Variants in CRACD observed in about 807,000 individuals in gnomAD.
CRACD encodes the protein capping protein inhibiting regulator of actin dynamics.
CRACD carries 56 observed loss-of-function variants against 106.8 expected under a neutral mutation model. The observed-to-expected ratio is 0.52, with a 90% confidence interval of 0.42 to 0.66. The LOEUF (loss-of-function observed/expected upper bound fraction) is 0.66. Ranked by LOEUF, CRACD falls within the 30% of genes least tolerant of loss-of-function variation. The probability of loss-of-function intolerance (pLI) is 0.00; values close to 1 mark genes in which losing one functional copy is unlikely to be tolerated. For synonymous variants in CRACD, 754 were observed against 670.8 expected (o/e 1.12, Z -1.92); for missense variants, 1,730 against 1,623.2 (o/e 1.07, Z -1.13).
chr4:56,247,789 C>T (rs748080391), intron 2 of CRACD, among the ~76,000 whole-genome samples: 6 of 151,194 alleles, frequency 4.0e-5, no homozygotes, highest in Non-Finnish European at 8.8e-5. Flanking sequence ...GACGTTGCAG[C>T]GAGCCAGGAT....
At chr4:56,301,311 A>AACTC (rs1445374005) in intron 4 of CRACD, 17 of 1,111,306 alleles carry the variant, frequency 1.5e-5, no homozygotes, top group Non-Finnish European at 1.9e-5. Flanking sequence ...TTTCCATGAC[A>AACTC]ACGTGATGCT....
At chr4:56,105,659 A>G (rs1733926840) in intron 1 of CRACD, among the ~76,000 whole-genome samples, 1 of 152,182 alleles carries the variant, frequency 6.6e-6, no homozygotes, top group African/African-American at 2.4e-5. Flanking sequence ...TTATTATCTG[A>G]TGCCTTTCAA....
chr4:56,308,666 G>C, intron 5 of CRACD: 1 of 712,800 alleles, frequency 1.4e-6, no homozygotes, highest in Non-Finnish European at 1.7e-6. Flanking sequence ...TGTGAAAAAG[G>C]ACATTCCTCC....
intron 1 of CRACD, among the ~76,000 whole-genome samples, chr4:56,075,233 A>G (rs1444749896): frequency 6.6e-6 from 1 of 151,822 alleles, no homozygotes; most frequent in Non-Finnish European, 1.5e-5. Flanking sequence ...CTCTTTTTCT[A>G]TTGTTTGGAA....
chr4:56,107,139 A>G (rs1733972656), intron 1 of CRACD, among the ~76,000 whole-genome samples: 1 of 150,428 alleles, frequency 6.6e-6, no homozygotes, highest in Admixed American at 6.7e-5. Flanking sequence ...CATTCAGCTA[A>G]TCTAAAAACA....
chr4:56,062,320 TAAG>T lies in CRACD; in HGVS notation c.-336+13027_-336+13029del, dbSNP rs1331654178. On this transcript the variant is annotated intron_variant, in intron 1 of 10. Coordinates refer to ENST00000682029, the MANE Select transcript of CRACD (RefSeq NM_001393381.1). The stretch of plus-strand genomic sequence containing the variant: ...CATAACAGTGTCATTATGATTTTTT[TAAG>T]AAGAATCACTAATTAGCCAGGTCTA... Among the ~76,000 whole-genome samples, 3 of 152,356 alleles carry T rather than the reference TAAG, an allele frequency of 2.0e-5. No individual in the cohort carries two copies. In the East Asian group the frequency reaches 5.8e-4, roughly 29 times the overall value.
chr4:56,213,194 C>T (rs1046157151), intron 2 of CRACD, among the ~76,000 whole-genome samples: 1 of 152,168 alleles, frequency 6.6e-6, no homozygotes, highest in Non-Finnish European at 1.5e-5. Context: ...CACCTATAAT[C>T]CCAGCACTTT....
chr4:56,285,820 T>G (rs1235016954), intron 3 of CRACD, among the ~76,000 whole-genome samples: 1 of 152,130 alleles, frequency 6.6e-6, no homozygotes, highest in Admixed American at 6.5e-5. Context: ...TTATCCCCAT[T>G]TAACAGTTAA....
At position 56,193,724 on chromosome 4, in the gene CRACD, T is replaced by G. The variant is rs1737479202; in HGVS notation, c.-189+14294T>G. ...CACATAATCAATCTCAGAGACTCAC[T>G]TACAAATAGTCAAATTGGTGTATAC... On this transcript the variant is annotated intron_variant, in intron 2 of 10. Coordinates refer to ENST00000682029, the MANE Select transcript of CRACD (RefSeq NM_001393381.1). Among the ~76,000 whole-genome samples, 4 of 152,328 alleles carry G rather than the reference T, an allele frequency of 2.6e-5. No individual in the cohort carries two copies. In the South Asian group the frequency reaches 8.3e-4, roughly 32 times the overall value.
At chr4:56,301,078 G>T (rs1461902153) in intron 4 of CRACD, 1 of 422,480 alleles carries the variant, frequency 2.4e-6, no homozygotes, top group Non-Finnish European at 4.1e-6. Flanking sequence ...TTTCAGCTCT[G>T]TAGTTATACT....
At chr4:56,295,685 ATATATATATATATATATATATAT>A (rs1246727365) in intron 3 of CRACD, among the ~76,000 whole-genome samples, 4 of 76,488 alleles carry the variant, frequency 5.2e-5, no homozygotes, top group Non-Finnish European at 8.5e-5. Flanking sequence ...ATATATATAT[ATATATATATATATATATATATAT>A]ATATGCCCTT....
chr4:56,197,790 G>A (rs1737681883), intron 2 of CRACD, among the ~76,000 whole-genome samples: 1 of 151,822 alleles, frequency 6.6e-6, no homozygotes. Flanking sequence ...CCGTTCTCCT[G>A]CCTCAGCCAT....
chr4:56,064,686 C>T (rs1222861753), intron 1 of CRACD, among the ~76,000 whole-genome samples: 1 of 152,206 alleles, frequency 6.6e-6, no homozygotes, highest in African/African-American at 2.4e-5. Context: ...TAAAAAAATA[C>T]TCCTTGATCT....
rs755379760 is a variant in CRACD, at chr4:56,316,127, C to T, written c.2625C>T (p.Thr875=). ...EQKKKKRHSS[T]GDSADAGPPA... ...AGAAGAAGAAGAGGCACAGCAGCAC[C>T]GGAGACAGCGCGGATGCAGGGCCGC... Residue 875 remains threonine, a synonymous_variant, in exon 8 of 11, where the codon ACC becomes ACT. Transcript: ENST00000682029. 2.5e-6 allele frequency: 4 copies of T among 1,614,132 alleles called. No individual in the cohort carries two copies. The highest frequency in any genetic ancestry group is 2.2e-5 in the East Asian group (1 of 44,876).
Position 56,298,197 on chromosome 4 carries a change from C to T in CRACD, c.-16-17C>T, listed in dbSNP as rs368462281. ...AATTTTATCCTAATAAAATGAAGCA[C>T]ATGATTTACCTTCCAGGTCCTTCAA... On this transcript the variant is annotated splice_polypyrimidine_tract_variant and intron_variant, in intron 3 of 10. Coordinates refer to ENST00000682029, the MANE Select transcript of CRACD (RefSeq NM_001393381.1). 6.2e-7 allele frequency: 1 copy of T among 1,606,630 alleles called. No individual in the cohort carries two copies. The highest frequency in any genetic ancestry group is 8.5e-7 in the Non-Finnish European group (1 of 1,176,830).
At chr4:56,154,670 A>T (rs186519746) in intron 1 of CRACD, among the ~76,000 whole-genome samples, 1 of 152,218 alleles carries the variant, frequency 6.6e-6, no homozygotes, top group Non-Finnish European at 1.5e-5. Flanking sequence ...AGCTCACAAG[A>T]GTCCTTTGAA....
chr4:56,121,194 CAATA>C (rs1373656022), intron 1 of CRACD, among the ~76,000 whole-genome samples: 5 of 152,002 alleles, frequency 3.3e-5, no homozygotes, highest in African/African-American at 1.2e-4. Context: ...ATTAAAACAA[CAATA>C]AATTTCAATT....
At chr4:56,273,383 C>T (rs1742483226) in intron 3 of CRACD, among the ~76,000 whole-genome samples, 1 of 148,494 alleles carries the variant, frequency 6.7e-6, no homozygotes, top group Non-Finnish European at 1.5e-5. Flanking sequence ...TTCCCTCCCT[C>T]CTTTCTTCCC....
chr4:56,316,807 G>A, intron 8 of CRACD, 118 bp downstream of exon 8: 2 of 1,305,348 alleles, frequency 1.5e-6, no homozygotes, highest in East Asian at 5.0e-5. Context: ...ATTTGAAAAA[G>A]GAAAGTTTTA....
Sources: gnomAD v4.1 joint callset for allele counts (sites outside exome capture counted in the v4.1 genomes callset) on GRCh38, gnomAD v4.1.1 for gene constraint, MANE v1.5 for transcripts, NCBI Gene and HGNC (gene_info 2026-07-23, HGNC 2026-07-21) for gene names.